The following LOC400499 variants were observed in gnomAD, a reference collection of about 807,000 sequenced individuals.
chr16:11,384,713 G>C, the LOC400499 span, among the ~76,000 whole-genome samples: 3 of 152,326 alleles, frequency 2.0e-5, no homozygotes, highest in Non-Finnish European at 4.4e-5. Flanking sequence ...CTGGACATGG[G>C]GTCAATGGCA....
the LOC400499 span, chr16:11,518,818 G>A: frequency 2.3e-5 from 9 of 398,726 alleles, no homozygotes; most frequent in African/African-American, 8.2e-5. Context: ...CCCAGAGCCC[G>A]ACAGCTGTTG....
At chr16:11,448,069 C>G in the LOC400499 span, 4 of 1,534,286 alleles carry the variant, frequency 2.6e-6, no homozygotes, top group Middle Eastern at 1.7e-4. Context: ...CTGGGTCTTC[C>G]GGGGCTGCAA....
the LOC400499 span, among the ~76,000 whole-genome samples, chr16:11,474,520 A>G: frequency 1.2e-4 from 18 of 152,158 alleles, no homozygotes; most frequent in South Asian, 2.1e-4. Context: ...GTTTGCTTGT[A>G]TAGGGTAGAA....
the LOC400499 span, chr16:11,449,201 C>A: frequency 8.9e-7 from 1 of 1,123,156 alleles, no homozygotes; most frequent in African/African-American, 1.5e-5. Flanking sequence ...TGGTGAACTC[C>A]TCTTCATCCC....
At chr16:11,506,674 A>AC in the LOC400499 span, among the ~76,000 whole-genome samples, 1 of 151,906 alleles carries the variant, frequency 6.6e-6, no homozygotes, top group Non-Finnish European at 1.5e-5. Flanking sequence ...TCTGCCCCCC[A>AC]CATCGAAACT....
At chr16:11,488,579 C>G in the LOC400499 span, 3 of 387,048 alleles carry the variant, frequency 7.8e-6, no homozygotes, top group Non-Finnish European at 1.4e-5. Flanking sequence ...GCCACCACAC[C>G]CAACTGACAT....
At chr16:11,526,697 G>C in the LOC400499 span, among the ~76,000 whole-genome samples, 2 of 152,130 alleles carry the variant, frequency 1.3e-5, no homozygotes, top group Non-Finnish European at 2.9e-5. Context: ...TGGGTACTAG[G>C]AAAATTAATA....
chr16:11,445,664 C>T, the LOC400499 span, among the ~76,000 whole-genome samples: 1 of 152,030 alleles, frequency 6.6e-6, no homozygotes, highest in Non-Finnish European at 1.5e-5. Context: ...ATGCAGGCCA[C>T]GAAGCAGGGC....
the LOC400499 span, among the ~76,000 whole-genome samples, chr16:11,428,527 T>A: frequency 6.6e-6 from 1 of 152,122 alleles, no homozygotes; most frequent in East Asian, 1.9e-4. Context: ...TGCCATGGCA[T>A]TTGTAAATGA....
At chr16:11,460,664 C>T in the LOC400499 span, 1 of 1,478,082 alleles carries the variant, frequency 6.8e-7, no homozygotes, top group African/African-American at 1.4e-5. Context: ...AGCCCTCCAC[C>T]AGGGCTCCAA....
chr16:11,450,733 A>T, the LOC400499 span: 1 of 1,536,168 alleles, frequency 6.5e-7, no homozygotes, highest in East Asian at 2.4e-5. Context: ...CGTTAGCTCC[A>T]GGACAGCCTG....
chr16:11,512,206 C>T, the LOC400499 span, among the ~76,000 whole-genome samples: 4 of 151,376 alleles, frequency 2.6e-5, no homozygotes, highest in African/African-American at 7.3e-5. Context: ...TGCTTGAGCC[C>T]GGAAGGAGGA....
At chr16:11,428,456 G>A in the LOC400499 span, among the ~76,000 whole-genome samples, 7 of 152,146 alleles carry the variant, frequency 4.6e-5, no homozygotes, top group Admixed American at 4.6e-4. Flanking sequence ...TTACAGGCGT[G>A]AGCCACCGCG....
chr16:11,443,491 A>AAAGAGAGAC, the LOC400499 span: 1 of 132,234 alleles, frequency 7.6e-6, no homozygotes, highest in Non-Finnish European at 1.4e-5. Flanking sequence ...AAAAAAAAAA[A>AAAGAGAGAC]AGAGAGAGAG....
the LOC400499 span, chr16:11,467,313 A>T: frequency 6.9e-6 from 1 of 145,498 alleles, no homozygotes; most frequent in Non-Finnish European, 1.5e-5. Context: ...AAAAAAAAAA[A>T]CAAAAAAACT....
At chr16:11,495,650 G>A in the LOC400499 span, among the ~76,000 whole-genome samples, 2 of 152,184 alleles carry the variant, frequency 1.3e-5, no homozygotes, top group African/African-American at 4.8e-5. Flanking sequence ...AAAGTGCTGG[G>A]ATTACAGGCA....
At chr16:11,388,985 G>A in the LOC400499 span, among the ~76,000 whole-genome samples, 1 of 152,178 alleles carries the variant, frequency 6.6e-6, no homozygotes, top group Non-Finnish European at 1.5e-5. Flanking sequence ...TACTTGAGAG[G>A]CTAAGGCAGG....
At chr16:11,396,439 T>G in the LOC400499 span, 7 of 1,218,422 alleles carry the variant, frequency 5.7e-6, no homozygotes, top group Admixed American at 2.5e-4. Flanking sequence ...GGGGGCCTGC[T>G]GGCCAGGGAG....
chr16:11,399,821 T>C, the LOC400499 span: 6 of 398,710 alleles, frequency 1.5e-5, no homozygotes, highest in African/African-American at 6.2e-5. Context: ...TGCACCTGCA[T>C]TGGGATGGGA....
Sources: gnomAD v4.1 joint callset for allele counts (sites outside exome capture counted in the v4.1 genomes callset) on GRCh38, gnomAD v4.1.1 for gene constraint, MANE v1.5 for transcripts.